CUL4A: variants seen among roughly 807,000 people sequenced by gnomAD.
The protein encoded by CUL4A is cullin 4A.
A neutral mutation model predicts 95.5 loss-of-function variants in CUL4A; 16 were observed. The ratio of observed to expected loss-of-function variants is 0.17; its 90% CI spans 0.11 to 0.25. The LOEUF (loss-of-function observed/expected upper bound fraction) is 0.25, where lower values mean the gene tolerates loss of function less well. Ranked by LOEUF, CUL4A falls within the 10% of genes least tolerant of loss-of-function variation. CUL4A has a pLI of 1.00. For missense variants in CUL4A, 610 were observed against 937.0 expected (o/e 0.65, Z 4.56); for synonymous variants, 380 against 353.1 (o/e 1.08, Z -0.85).
At chr13:113,233,863 C>A in intron 6 of CUL4A, 34 bp from the exon 7 acceptor site, 2 of 1,155,896 alleles carry the variant, frequency 1.7e-6, no homozygotes, top group Non-Finnish European at 2.6e-6. Flanking sequence ...GTTTCCTTTA[C>A]TGAAATTGGT....
chr13:113,242,547 T>A lies in CUL4A; in HGVS notation c.1036-421T>A, dbSNP rs9671104. 8.5e-3 allele frequency among the ~76,000 whole-genome samples: 1,294 copies of A among 152,258 alleles called. 23 individuals carry two copies. Among genetic ancestry groups the A allele is most frequent in the African/African-American group, 0.03 (1,248 of 41,536 alleles). On this transcript the variant is annotated intron_variant, in intron 10 of 19. Transcript: ENST00000375440. ...GCTCATGCCTGTAAACCCAGCACTT[T>A]GGGAAATCACAGTGGGAGGATTGCT...
In CUL4A at chr13:113,245,852, C is replaced by T. The variant is rs1279944419; in HGVS notation, c.1531-104C>T. 12 of 877,234 alleles carry T rather than the reference C, an allele frequency of 1.4e-5. No homozygotes were observed. In the Admixed American group the frequency reaches 2.8e-4, roughly 21 times the overall value. The allele number at this position is 877,234 out of a possible 1,614,324, so 54.3% of individuals were successfully genotyped here. On this transcript the variant is annotated intron_variant, in intron 14 of 19. Transcript: ENST00000375440. ...TTCTGGGGACTGAGATAAATTCTAA[C>T]ACAGATGAAACTTTATATTGAAAAT...
At chr13:113,251,498 C>A (rs3850451) in intron 15 of CUL4A, among the ~76,000 whole-genome samples, 1 of 151,550 alleles carries the variant, frequency 6.6e-6, no homozygotes, top group Non-Finnish European at 1.5e-5. Flanking sequence ...GTGTTCCTGC[C>A]CAAATCTCAT....
chr13:113,235,017 C>A, intron 7 of CUL4A, 46 bp from the exon 8 acceptor site: 1 of 1,360,452 alleles, frequency 7.4e-7, no homozygotes, highest in Non-Finnish European at 1.0e-6. Flanking sequence ...TGGATAGTGT[C>A]GACATTCTTT....
rs1221062799 is a variant in CUL4A, at chr13:113,243,238, G to C, written c.1228+78G>C. On this transcript the variant is annotated intron_variant, in intron 11 of 19. Transcript: ENST00000375440. ...ATTTCTAGACAATTTTTTAATATGG[G>C]AAAATAAGGCAAAATCAACCAAAAT... The C allele has an allele frequency of 6.5e-6, 9 of 1,393,536 alleles. No homozygotes were observed. In the East Asian group the frequency reaches 2.1e-4, roughly 33 times the overall value. 86.3% of individuals were successfully genotyped at this position (1,393,536 alleles called of 1,614,324 possible).
At position 113,210,104 on chromosome 13, in the gene CUL4A, G is replaced by C; in HGVS notation, c.264+16G>C. On this transcript the variant is annotated intron_variant, in intron 2 of 19. Coordinates refer to ENST00000375440, the MANE Select transcript of CUL4A (RefSeq NM_001008895.4). ...GCTCTACCAGGTGAGGCGGCGGCCG[G>C]GGCTGGGGACGCCGCTCCTGCCCCG... 2 of 1,472,346 alleles carry C rather than the reference G, an allele frequency of 1.4e-6. No individual in the cohort carries two copies. Among genetic ancestry groups the C allele is most frequent in the Non-Finnish European group, 1.8e-6 (2 of 1,105,910 alleles). 91.2% of individuals were successfully genotyped at this position (1,472,346 alleles called of 1,614,324 possible).
chr13:113,249,884 C>T (rs1011834343), intron 15 of CUL4A, among the ~76,000 whole-genome samples: 5 of 152,142 alleles, frequency 3.3e-5, no homozygotes, highest in African/African-American at 1.2e-4. Flanking sequence ...TGACCATTTG[C>T]GTATCTTCTT....
chr13:113,209,925 G>A (rs947438738), intron 1 of CUL4A, 48 bp from the exon 2 acceptor site: 1 of 1,404,532 alleles, frequency 7.1e-7, no homozygotes, highest in South Asian at 1.4e-5. Context: ...GCTACGCGGG[G>A]CGCTTCGCGG....
chr13:113,209,521 G>A, upstream of CUL4A: 1 of 657,586 alleles, frequency 1.5e-6, no homozygotes. Flanking sequence ...GGGGCGGGGC[G>A]GGGCGCGCGA....
chr13:113,248,316 C>T (rs890104918), intron 15 of CUL4A, among the ~76,000 whole-genome samples: 2 of 152,222 alleles, frequency 1.3e-5, no homozygotes, highest in Middle Eastern at 3.4e-3. Flanking sequence ...CTTCTTTCCA[C>T]CCCCTTTATT....
intron 1 of CUL4A, 97 bp downstream of exon 1, chr13:113,209,872 C>T (rs906219219): frequency 5.1e-6 from 6 of 1,169,988 alleles, no homozygotes; most frequent in South Asian, 3.2e-5. Context: ...TCCGTGCGGG[C>T]CCCGGGAGCG....
chr13:113,229,959 A>G (rs2041251113), intron 5 of CUL4A: 2 of 366,152 alleles, frequency 5.5e-6, no homozygotes, highest in African/African-American at 2.1e-5. Context: ...ATCGTCCGTC[A>G]TCTTTCGGGG....
chr13:113,213,907 G>C (rs2040545840), intron 2 of CUL4A, among the ~76,000 whole-genome samples: 1 of 152,258 alleles, frequency 6.6e-6, no homozygotes, highest in Non-Finnish European at 1.5e-5. Flanking sequence ...CTCTCACAGA[G>C]TCTGAAGCAT....
At chr13:113,208,599 C>G, upstream of CUL4A, 1 of 1,606,634 alleles carries the variant, frequency 6.2e-7, no homozygotes, top group Non-Finnish European at 8.5e-7. Flanking sequence ...TAGGACCCAC[C>G]TGCTGCAGGT....
chr13:113,248,861 C>CA (rs1203358226), intron 15 of CUL4A, among the ~76,000 whole-genome samples: 15 of 152,234 alleles, frequency 9.9e-5, no homozygotes, highest in South Asian at 2.1e-4. Context: ...GGATCACTGA[C>CA]AAAAAAACTT....
At chr13:113,253,722 C>T (rs1422090286) in intron 16 of CUL4A, among the ~76,000 whole-genome samples, 1 of 152,172 alleles carries the variant, frequency 6.6e-6, no homozygotes, top group Non-Finnish European at 1.5e-5. Context: ...CTTAATAAGA[C>T]ATTTTCACGG....
At chr13:113,254,849 ATTTGT>A (rs776690375) in intron 17 of CUL4A, 51 bp downstream of exon 17, 1 of 1,593,952 alleles carries the variant, frequency 6.3e-7, no homozygotes, top group Non-Finnish European at 8.6e-7. Flanking sequence ...TAAAGCATGT[ATTTGT>A]TTTAAGATAA....
At chr13:113,246,727 G>A (rs1320087225) in intron 15 of CUL4A, among the ~76,000 whole-genome samples, 1 of 152,166 alleles carries the variant, frequency 6.6e-6, no homozygotes, top group Admixed American at 6.5e-5. Flanking sequence ...GAGGGTCATG[G>A]CCAATGCTCC....
chr13:113,258,645 A>G (rs1330776212), intron 18 of CUL4A, among the ~76,000 whole-genome samples: 1 of 152,234 alleles, frequency 6.6e-6, no homozygotes, highest in African/African-American at 2.4e-5. Context: ...ACAATAAAGA[A>G]TAAGTCCTTG....
Sources: gnomAD v4.1 joint callset for allele counts (sites outside exome capture counted in the v4.1 genomes callset) on GRCh38, gnomAD v4.1.1 for gene constraint, MANE v1.5 for transcripts, NCBI Gene and HGNC (gene_info 2026-07-23, HGNC 2026-07-21) for gene names.